The following ZNF141 variants were observed in gnomAD, a reference collection of about 807,000 sequenced individuals.
ZNF141 encodes the protein zinc finger protein 141.
A neutral mutation model predicts 11.3 loss-of-function variants in ZNF141; 7 were observed. The ratio of observed to expected loss-of-function variants is 0.62; its 90% confidence interval spans 0.35 to 1.16. The LOEUF is 1.16. Among genes scored for constraint, ZNF141 ranks in the 50% most tolerant of loss-of-function variants. The probability of loss-of-function intolerance (pLI) is 0.02; values close to 1 mark genes in which losing one functional copy is unlikely to be tolerated. For missense variants in ZNF141, 535 were observed against 554.0 expected (o/e 0.97, Z 0.34); for synonymous variants, 183 against 190.7 (o/e 0.96, Z 0.33).
chr4:375,637 A>G lies in ZNF141; in HGVS notation c.*1775A>G, dbSNP rs1712327525. The stretch of plus-strand genomic sequence containing the variant: ...GAGAATTTCTTTGTATATAAGTTGA[A>G]AAGAAGATTTTTGAAGAGATACTAC... On this transcript the variant is annotated 3_prime_UTR_variant, in exon 4 of 4. Transcript: ENST00000240499. Among the ~76,000 whole-genome samples, 1 of 152,062 alleles carries G rather than the reference A, an allele frequency of 6.6e-6. No individual in the cohort carries two copies. Among genetic ancestry groups the G allele is most frequent in the Non-Finnish European group, 1.5e-5 (1 of 67,902 alleles).
intron 3 of ZNF141, chr4:358,139 T>C: frequency 5.1e-6 from 2 of 394,272 alleles, no homozygotes; most frequent in Non-Finnish European, 9.7e-6. Context: ...AGTTCTATTG[T>C]GTACTCCAGC....
At chr4:367,997 G>T (rs1240204091) in intron 3 of ZNF141, among the ~76,000 whole-genome samples, 2 of 152,026 alleles carry the variant, frequency 1.3e-5, no homozygotes, top group Non-Finnish European at 2.9e-5. Flanking sequence ...ATCTTGCAAG[G>T]CTAACACTCA....
At chr4:369,128 G>T (rs1711896503) in intron 3 of ZNF141, among the ~76,000 whole-genome samples, 1 of 151,292 alleles carries the variant, frequency 6.6e-6, no homozygotes, top group African/African-American at 2.4e-5. Flanking sequence ...GTCAGTATTT[G>T]CTTTGTATAT....
At chr4:366,012 C>G (rs1000936844) in intron 3 of ZNF141, among the ~76,000 whole-genome samples, 1 of 152,110 alleles carries the variant, frequency 6.6e-6, no homozygotes, top group African/African-American at 2.4e-5. Context: ...ATGCCAGTAT[C>G]ATGTTGTTTT....
intron 3 of ZNF141, among the ~76,000 whole-genome samples, chr4:355,743 G>A (rs139536169): frequency 7.2e-4 from 110 of 152,224 alleles, no homozygotes; most frequent in African/African-American, 2.5e-3. Flanking sequence ...TCTAGGGTTG[G>A]TAATTTATAA....
At chr4:367,902 G>A (rs2108721850) in intron 3 of ZNF141, among the ~76,000 whole-genome samples, 1 of 152,070 alleles carries the variant, frequency 6.6e-6, no homozygotes, top group South Asian at 2.1e-4. Context: ...TGTTACATAG[G>A]TATACACGTG....
rs782379081 is a variant in ZNF141 at position 374,481 on chromosome 4, T to C, written c.*619T>C. 1 of 299,830 alleles carries C rather than the reference T, an allele frequency of 3.3e-6. No individual in the cohort carries two copies. The allele number at this position is 299,830 out of a possible 1,614,324, so 18.6% of individuals were successfully genotyped here. ...CACATGTAAAGAATGTGGCAAAGCC[T>C]TCAATAGGTTCTCAACCCTTACTGT... On this transcript the variant is annotated 3_prime_UTR_variant, in exon 4 of 4. Coordinates refer to ENST00000240499, the MANE Select transcript of ZNF141 (RefSeq NM_003441.4).
chr4:338,766 T>C (rs563364671), intron 1 of ZNF141, among the ~76,000 whole-genome samples: 32 of 152,314 alleles, frequency 2.1e-4, no homozygotes, highest in African/African-American at 7.2e-4. Flanking sequence ...GTGGGGTCTG[T>C]GCTGACTCCG....
At chr4:358,825 C>T (rs565524247) in intron 3 of ZNF141, among the ~76,000 whole-genome samples, 1 of 152,270 alleles carries the variant, frequency 6.6e-6, no homozygotes, top group East Asian at 1.9e-4. Context: ...CCATCCGCCT[C>T]GGCCTCCCAA....
intron 3 of ZNF141, among the ~76,000 whole-genome samples, chr4:348,028 T>C (rs1043604058): frequency 6.6e-5 from 10 of 151,886 alleles, no homozygotes; most frequent in South Asian, 2.1e-4. Flanking sequence ...GTATTTTTAG[T>C]AGAGACGAGG....
In ZNF141 at chr4:382,601, T is replaced by A. The variant is rs1712712693; in HGVS notation, c.*8739T>A. On this transcript the variant is annotated 3_prime_UTR_variant, in exon 4 of 4. Coordinates refer to ENST00000240499, the MANE Select transcript of ZNF141 (RefSeq NM_003441.4). ...ATTTCCTAAACCCAGTGCTCAGCAA[T>A]TTTCTCAAATTGTTTACAGTTTTTC... is the stretch of plus-strand genomic sequence containing the variant. The A allele has an allele frequency of 6.6e-6, 1 of 152,448 alleles. No homozygotes were observed. The highest frequency in any genetic ancestry group is 2.4e-5 in the African/African-American group (1 of 41,586). 9.4% of individuals were successfully genotyped at this position (152,448 alleles called of 1,614,324 possible).
At position 344,443 on chromosome 4, in the gene ZNF141, G is replaced by A; in HGVS notation, c.226+13G>A. ...GCCAGACCCCCAGGTAGGTGAGAGT[G>A]AATGGAGGAGAGGGCACAGGCAAGG... is the stretch of plus-strand genomic sequence containing the variant. On this transcript the variant is annotated intron_variant, in intron 3 of 3. Coordinates refer to ENST00000240499, the MANE Select transcript of ZNF141 (RefSeq NM_003441.4). The A allele has an allele frequency of 1.3e-6, 2 of 1,599,428 alleles. No homozygotes were observed. The highest frequency in any genetic ancestry group is 2.2e-5 in the South Asian group (2 of 90,818).
chr4:344,575 CACGA>C, intron 3 of ZNF141, 145 bp downstream of exon 3: 1 of 553,252 alleles, frequency 1.8e-6, no homozygotes, highest in South Asian at 2.1e-5. Context: ...GCAGGCGGAT[CACGA>C]GGTCAAGAGA....
intron 2 of ZNF141, 49 bp from the exon 3 acceptor site, chr4:344,286 G>A (rs1433645649): frequency 6.6e-7 from 1 of 1,509,764 alleles, no homozygotes; most frequent in East Asian, 2.3e-5. Flanking sequence ...TTGGTAATTG[G>A]AGAATCCCCA....
At chr4:370,654 C>T (rs1553853440) in intron 3 of ZNF141, among the ~76,000 whole-genome samples, 1 of 152,112 alleles carries the variant, frequency 6.6e-6, no homozygotes, top group Non-Finnish European at 1.5e-5. Flanking sequence ...TCCATTTTTG[C>T]CTTTGACTTT....
chr4:355,800 G>A (rs973322484), intron 3 of ZNF141, among the ~76,000 whole-genome samples: 12 of 152,138 alleles, frequency 7.9e-5, no homozygotes, highest in Admixed American at 3.3e-4. Flanking sequence ...TGAGATGTCC[G>A]AGAGCATGTC....
At chr4:368,230 C>A (rs966741155) in intron 3 of ZNF141, among the ~76,000 whole-genome samples, 1 of 151,918 alleles carries the variant, frequency 6.6e-6, no homozygotes, top group Admixed American at 6.6e-5. Flanking sequence ...AGTAATGTTT[C>A]ATTTTTTTAA....
rs1712538249 is a variant in ZNF141 at position 379,918 on chromosome 4, A to G, written c.*6056A>G. 6.6e-6 allele frequency among the ~76,000 whole-genome samples: 1 copy of G among 152,246 alleles called. No individual in the cohort carries two copies. On this transcript the variant is annotated 3_prime_UTR_variant, in exon 4 of 4. Transcript: ENST00000240499. ...ATAATTACTTTTGGGATAAGAGCTC[A>G]TAACATTGACTGTGTTAGCATTTTC...
At position 356,830 on chromosome 4, in the gene ZNF141, G is replaced by A. The variant is rs369169814; in HGVS notation, c.226+12400G>A. Among the ~76,000 whole-genome samples the A allele has an allele frequency of 6.0e-5, 9 of 149,914 alleles. No homozygotes were observed. In the South Asian group the frequency reaches 1.0e-3, roughly 17 times the overall value. On this transcript the variant is annotated intron_variant, in intron 3 of 3. Coordinates refer to ENST00000240499, the MANE Select transcript of ZNF141 (RefSeq NM_003441.4). ...ATTCCTTCATGCTGTCATCTTTTGTGTTTTCTTGAATTTTTGTTTTGTTTT... is the reference window on the plus strand; with the variant it reads ...ATTCCTTCATGCTGTCATCTTTTGTATTTTCTTGAATTTTTGTTTTGTTTT...
Sources: gnomAD v4.1 joint callset for allele counts (sites outside exome capture counted in the v4.1 genomes callset) on GRCh38, gnomAD v4.1.1 for gene constraint, MANE v1.5 for transcripts, NCBI Gene and HGNC (gene_info 2026-07-23, HGNC 2026-07-21) for gene names.